Variants in PSD3 observed in about 807,000 individuals in gnomAD.
The protein encoded by PSD3 is PH and SEC7 domain-containing protein 3.
A neutral mutation model predicts 105.5 loss-of-function variants in PSD3; 49 were observed. The observed-to-expected ratio is 0.46, with a 90% confidence interval of 0.37 to 0.59. The LOEUF is 0.59. Among genes scored for constraint, PSD3 ranks in the 20% least tolerant of loss-of-function variants. PSD3 has a pLI of 0.00. For missense variants in PSD3, 1,561 were observed against 1,263.8 expected (o/e 1.24, Z -3.57); for synonymous variants, 557 against 457.8 (o/e 1.22, Z -2.77).
At chr8:19,005,442 T>C (rs188886016) in intron 1 of PSD3, among the ~76,000 whole-genome samples, 46 of 151,918 alleles carry the variant, frequency 3.0e-4, no homozygotes, top group Admixed American at 1.0e-3. Flanking sequence ...ATAGGAGCAA[T>C]GGGGAGAGGT....
chr8:18,837,252 C>T (rs938391906), intron 4 of PSD3, among the ~76,000 whole-genome samples: 1 of 152,140 alleles, frequency 6.6e-6, no homozygotes, highest in African/African-American at 2.4e-5. Flanking sequence ...AGCCATGACC[C>T]AGCTCTGGGT....
chr8:19,074,613 T>TATATATA (rs1563546655), intron 1 of PSD3, among the ~76,000 whole-genome samples: 20 of 6,794 alleles, frequency 2.9e-3, no homozygotes, highest in African/African-American at 4.9e-3. Context: ...ATATATATAT[T>TATATATA]TTTTTTTTTT....
At chr8:18,891,666 C>A in intron 2 of PSD3, among the ~76,000 whole-genome samples, 1 of 152,070 alleles carries the variant, frequency 6.6e-6, no homozygotes, top group Non-Finnish European at 1.5e-5. Context: ...GTGTGTTCAA[C>A]TTGTTTTCTC....
Position 18,649,460 on chromosome 8 carries a change from C to G in PSD3, c.2216+6182G>C, listed in dbSNP as rs538414908. Among the ~76,000 whole-genome samples, 6 of 152,294 alleles carry G rather than the reference C, an allele frequency of 3.9e-5. No individual in the cohort carries two copies. The South Asian group carries it at 1.2e-3, about 32-fold the overall frequency. On this transcript the variant is annotated intron_variant, in intron 10 of 15. Transcript: ENST00000327040. ...TTGGAATAGGAGTATTTAGCCAATG[C>G]CTGTACCCCCATTGTATCTTGGGAG... is the stretch of plus-strand genomic sequence containing the variant.
chr8:18,984,507 G>A (rs945037753), intron 1 of PSD3, among the ~76,000 whole-genome samples: 1 of 151,804 alleles, frequency 6.6e-6, no homozygotes. Context: ...CAAAAAAATG[G>A]GGCAGTAATA....
rs758698559 is a variant in PSD3, at chr8:18,865,242, A to G, written c.1634+2432T>C. ...TTCTATGTTATATATATATATATAT[A>G]TATATATATATATATATATATATAT... On this transcript the variant is annotated intron_variant, in intron 4 of 15. Transcript: ENST00000327040. The G allele has an allele frequency of 2.6e-4, 2 of 7,798 alleles. 1 individual carries two copies. The highest frequency in any genetic ancestry group is 1.0e-3 in the Non-Finnish European group (2 of 1,988). 0.5% of individuals were successfully genotyped at this position (7,798 alleles called of 1,614,324 possible). A position where few individuals can be genotyped will look rare whatever the true frequency, so the allele number is the denominator to read the frequency against.
At chr8:18,593,613 C>T (rs534543632) in intron 12 of PSD3, among the ~76,000 whole-genome samples, 21 of 152,138 alleles carry the variant, frequency 1.4e-4, no homozygotes, top group African/African-American at 3.9e-4. Flanking sequence ...ACCCAGCCAT[C>T]CCATTACTGG....
intron 10 of PSD3, among the ~76,000 whole-genome samples, chr8:18,649,577 A>G (rs1463145028): frequency 1.3e-5 from 2 of 152,044 alleles, no homozygotes; most frequent in African/African-American, 2.4e-5. Context: ...ATGAGTTAAG[A>G]CTTTGAGGGA....
intron 4 of PSD3, among the ~76,000 whole-genome samples, chr8:18,845,388 C>G (rs1343125906): frequency 6.6e-6 from 1 of 152,178 alleles, no homozygotes; most frequent in Non-Finnish European, 1.5e-5. Context: ...ATGGTCCTGT[C>G]TGCATTCTCA....
Position 18,821,527 on chromosome 8 carries a change from T to C in PSD3, c.1635-16629A>G, listed in dbSNP as rs139620540. On this transcript the variant is annotated intron_variant, in intron 4 of 15. Coordinates refer to ENST00000327040, the MANE Select transcript of PSD3 (RefSeq NM_015310.4). ...ATTTATAATCAAGGCCTAACAAAATTACAAGCTCTTGAGTTTTTCCTAACA... is the reference window on the plus strand; with the variant it reads ...ATTTATAATCAAGGCCTAACAAAATCACAAGCTCTTGAGTTTTTCCTAACA... Among the ~76,000 whole-genome samples the C allele has an allele frequency of 3.7e-3, 565 of 152,256 alleles. 2 individuals carry two copies. Among genetic ancestry groups the C allele is most frequent in the African/African-American group, 0.013 (522 of 41,548 alleles).
chr8:19,084,260 T>C, exon 1 of PSD3: 1 of 456,178 alleles, frequency 2.2e-6, no homozygotes, highest in African/African-American at 2.0e-5. Context: ...TGTGCACAGC[T>C]GGACAGTACC....
At chr8:18,602,980 T>G (rs1158752245) in intron 11 of PSD3, among the ~76,000 whole-genome samples, 1 of 152,130 alleles carries the variant, frequency 6.6e-6, no homozygotes, top group African/African-American at 2.4e-5. Flanking sequence ...ATAATGAACT[T>G]GATGAGAGGA....
chr8:18,673,420 T>G lies in PSD3; in HGVS notation c.2173-17735A>C, dbSNP rs542464829. ...GGAGTTAATCATCATCTTATTTTGT[T>G]GTTGTTTACTCAGTTTTCTACGAAT... On this transcript the variant is annotated intron_variant, in intron 9 of 15. Coordinates refer to ENST00000327040, the MANE Select transcript of PSD3 (RefSeq NM_015310.4). Among the ~76,000 whole-genome samples, 7 of 152,336 alleles carry G rather than the reference T, an allele frequency of 4.6e-5. No homozygotes were observed. In the South Asian group the frequency reaches 1.5e-3, roughly 32 times the overall value.
chr8:18,562,382 T>G (rs1801447263), intron 14 of PSD3, among the ~76,000 whole-genome samples: 1 of 152,324 alleles, frequency 6.6e-6, no homozygotes, highest in African/African-American at 2.4e-5. Flanking sequence ...TTCTCCCAAC[T>G]TCTATCATGA....
intron 2 of PSD3, among the ~76,000 whole-genome samples, chr8:18,931,211 C>T (rs565557013): frequency 1.0e-3 from 155 of 151,964 alleles, no homozygotes; most frequent in Middle Eastern, 6.8e-3. Context: ...TGTTGGATGT[C>T]CAACACACAA....
intron 1 of PSD3, among the ~76,000 whole-genome samples, chr8:19,009,663 G>A (rs1826864740): frequency 6.6e-6 from 1 of 152,212 alleles, no homozygotes. Context: ...GCCAAGGAAG[G>A]CAGATCACCT....
intron 8 of PSD3, among the ~76,000 whole-genome samples, chr8:18,790,372 G>T (rs1028806170): frequency 6.8e-6 from 1 of 146,516 alleles, no homozygotes; most frequent in Non-Finnish European, 1.5e-5. Flanking sequence ...GAGTGATCTC[G>T]GCTCACTGCA....
chr8:18,617,479 C>T (rs1319271813), intron 11 of PSD3, among the ~76,000 whole-genome samples: 5 of 152,064 alleles, frequency 3.3e-5, no homozygotes, highest in African/African-American at 2.4e-5. Context: ...AGCAGTGAGC[C>T]GAGATTGCAC....
At position 18,933,915 on chromosome 8, in the gene PSD3, T is replaced by G. The variant is rs372080445; in HGVS notation, c.130+2119A>C. Among the ~76,000 whole-genome samples, 18 of 152,316 alleles carry G rather than the reference T, an allele frequency of 1.2e-4. No individual in the cohort carries two copies. In the South Asian group the frequency reaches 3.1e-3, roughly 26 times the overall value. ...TGACAAACAGCATAAATGGCTACAA[T>G]ACATGTTAAGTATAAGAGATATACT... On this transcript the variant is annotated intron_variant, in intron 2 of 15. Transcript: ENST00000327040.
Sources: gnomAD v4.1 joint callset for allele counts (sites outside exome capture counted in the v4.1 genomes callset) on GRCh38, gnomAD v4.1.1 for gene constraint, MANE v1.5 for transcripts, NCBI Gene and HGNC (gene_info 2026-07-23, HGNC 2026-07-21) for gene names.